The following ELAPOR2 variants were observed in gnomAD, a reference collection of about 807,000 sequenced individuals.
ELAPOR2 encodes endosome-lysosome associated apoptosis and autophagy regulator family member 2, also known as endosome/lysosome-associated apoptosis and autophagy regulator family member 2.
A neutral mutation model predicts 120.7 loss-of-function variants in ELAPOR2; 89 were observed. The observed-to-expected ratio is 0.74, with a 90% CI of 0.62 to 0.88. The LOEUF (loss-of-function observed/expected upper bound fraction) is 0.88, where lower values mean the gene tolerates loss of function less well. Ranked by LOEUF, ELAPOR2 falls within the 40% of genes least tolerant of loss-of-function variation. ELAPOR2 has a pLI of 0.00. For missense variants in ELAPOR2, 1,134 were observed against 1,251.6 expected, an observed-to-expected ratio of 0.91 and a Z score of 1.42; for synonymous variants, 444 against 444.9, an observed-to-expected ratio of 1.00 and a Z score of 0.03.
chr7:86,944,594 T>G (rs1172586827), intron 4 of ELAPOR2, among the ~76,000 whole-genome samples: 2 of 152,094 alleles, frequency 1.3e-5, no homozygotes, highest in African/African-American at 2.4e-5. Context: ...ACATGAATCT[T>G]GGAGGAAATA....
intron 1 of ELAPOR2, among the ~76,000 whole-genome samples, chr7:87,012,036 CT>C (rs1293942649): frequency 1.8e-4 from 28 of 152,268 alleles, no homozygotes; most frequent in African/African-American, 5.3e-4. Context: ...AAACTACATT[CT>C]TTTATTGTAC....
chr7:87,059,620 C>G lies in ELAPOR2; in HGVS notation c.-107G>C. ...CTGCTGTGCGCTCGTCTCGCCGCTCCGTCACCCGCTGCCCGTCCGCCCGCT... is the reference window on the plus strand; with the variant it reads ...CTGCTGTGCGCTCGTCTCGCCGCTCGGTCACCCGCTGCCCGTCCGCCCGCT... On this transcript the variant is annotated 5_prime_UTR_variant, in exon 1 of 22. Coordinates refer to ENST00000450689, the MANE Select transcript of ELAPOR2 (RefSeq NM_001142749.3). 2 of 1,083,490 alleles carry G rather than the reference C, an allele frequency of 1.8e-6. No individual in the cohort carries two copies. Among genetic ancestry groups the G allele is most frequent in the Non-Finnish European group, 2.2e-6 (2 of 889,672 alleles). The allele number at this position is 1,083,490 out of a possible 1,614,324, so 67.1% of individuals were successfully genotyped here. A position where few individuals can be genotyped will look rare whatever the true frequency, so the allele number is the denominator to read the frequency against.
At chr7:86,942,244 A>G in intron 4 of ELAPOR2, 140 bp from the exon 5 acceptor site, 1 of 529,904 alleles carries the variant, frequency 1.9e-6, no homozygotes. Flanking sequence ...AAGTAAACAT[A>G]CCGAGACCTC....
At chr7:86,975,371 T>A (rs1792248993) in intron 1 of ELAPOR2, among the ~76,000 whole-genome samples, 1 of 152,158 alleles carries the variant, frequency 6.6e-6, no homozygotes, top group Non-Finnish European at 1.5e-5. Flanking sequence ...TAAAAATAAG[T>A]GAGTTATTTA....
At chr7:86,920,142 G>T (rs1789760362) in intron 10 of ELAPOR2, among the ~76,000 whole-genome samples, 1 of 152,198 alleles carries the variant, frequency 6.6e-6, no homozygotes, top group South Asian at 2.1e-4. Context: ...GACTGACTTG[G>T]CGATTTTTGA....
intron 1 of ELAPOR2, among the ~76,000 whole-genome samples, chr7:87,027,899 A>C (rs1794297107): frequency 6.6e-6 from 1 of 152,186 alleles, no homozygotes; most frequent in Non-Finnish European, 1.5e-5. Context: ...AGGGGGGAAA[A>C]GTCATGTGCT....
chr7:86,936,169 C>T (rs571647054), intron 8 of ELAPOR2, among the ~76,000 whole-genome samples: 1 of 152,064 alleles, frequency 6.6e-6, no homozygotes, highest in African/African-American at 2.4e-5. Flanking sequence ...AAACCACTGG[C>T]AAATCACCAG....
At chr7:86,986,137 G>A (rs1361849245) in intron 1 of ELAPOR2, among the ~76,000 whole-genome samples, 1 of 140,608 alleles carries the variant, frequency 7.1e-6, no homozygotes, top group East Asian at 2.0e-4. Context: ...GTTTGCAGAT[G>A]GCATGATTGT....
At chr7:86,947,640 G>T in intron 3 of ELAPOR2, 87 bp downstream of exon 3, 1 of 1,193,330 alleles carries the variant, frequency 8.4e-7, no homozygotes, top group Non-Finnish European at 1.2e-6. Flanking sequence ...ACAGTACCAA[G>T]ATTATCCTCA....
intron 13 of ELAPOR2, 67 bp from the exon 14 acceptor site, chr7:86,913,271 T>A (rs1584342336): frequency 1.4e-6 from 2 of 1,460,910 alleles, no homozygotes. Context: ...GATTATGTCT[T>A]CTGTTGACAT....
At chr7:86,954,171 T>C (rs2116424646) in intron 2 of ELAPOR2, among the ~76,000 whole-genome samples, 1 of 152,274 alleles carries the variant, frequency 6.6e-6, no homozygotes, top group African/African-American at 2.4e-5. Context: ...AATAATCCAA[T>C]GTGAGACTCT....
At chr7:86,948,051 C>T in intron 2 of ELAPOR2, 129 bp from the exon 3 acceptor site, 1 of 652,198 alleles carries the variant, frequency 1.5e-6, no homozygotes, top group East Asian at 2.8e-5. Context: ...TTTCAAATTC[C>T]TCTTATCACT....
rs1442803983 is a variant in ELAPOR2, at chr7:86,966,242, T to C, written c.190-1218A>G. On this transcript the variant is annotated intron_variant, in intron 1 of 21. Transcript: ENST00000450689. Reference sequence around the variant, plus strand: ...CATAGGACCACAATTCTGCTAAGCTTTCTACCACTATATTAAAGGGGTCAC... The same window carrying C: ...CATAGGACCACAATTCTGCTAAGCTCTCTACCACTATATTAAAGGGGTCAC... Among the ~76,000 whole-genome samples the C allele has an allele frequency of 2.0e-5, 3 of 152,154 alleles. No individual in the cohort carries two copies. The East Asian group carries it at 5.8e-4, about 29-fold the overall frequency.
At chr7:87,010,175 G>A (rs1481450129) in intron 1 of ELAPOR2, among the ~76,000 whole-genome samples, 1 of 152,078 alleles carries the variant, frequency 6.6e-6, no homozygotes, top group African/African-American at 2.4e-5. Context: ...CAAATACATT[G>A]TATTCCAATG....
intron 4 of ELAPOR2, 107 bp downstream of exon 4, chr7:86,944,792 A>C: frequency 2.3e-6 from 2 of 875,100 alleles, no homozygotes; most frequent in Non-Finnish European, 3.4e-6. Flanking sequence ...ACACACACAC[A>C]CAAAAAAAAA....
rs1009068913 is a variant in ELAPOR2, at chr7:86,989,004, C to A, written c.190-23980G>T. Among the ~76,000 whole-genome samples, 35 of 151,978 alleles carry A rather than the reference C, an allele frequency of 2.3e-4. 1 individual carries two copies. The highest frequency in any genetic ancestry group is 2.9e-5 in the Non-Finnish European group (2 of 67,968). On this transcript the variant is annotated intron_variant, in intron 1 of 21. Transcript: ENST00000450689. The stretch of plus-strand genomic sequence containing the variant: ...CCAAGCAGTTCAGATAGAAACTGAC[C>A]CAACCTAACTTAGAGTATTATAAAA...
rs377261324 is a variant in ELAPOR2, at chr7:87,051,218, G to C, written c.189+8107C>G. Among the ~76,000 whole-genome samples the C allele has an allele frequency of 6.3e-4, 96 of 152,300 alleles. 1 individual carries two copies. Among genetic ancestry groups the C allele is most frequent in the African/African-American group, 2.2e-3 (91 of 41,564 alleles). On this transcript the variant is annotated intron_variant, in intron 1 of 21. Coordinates refer to ENST00000450689, the MANE Select transcript of ELAPOR2 (RefSeq NM_001142749.3). ...GGAACATGGCAATGTCAAGATGTCA[G>C]GAGAAACTGGCAAAAACTGAGAGAG...
At position 86,878,118 on chromosome 7, in the gene ELAPOR2, A is replaced by AG. The variant is rs34395425; in HGVS notation, c.*2352dup. 3 of 152,162 alleles carry AG rather than the reference A, an allele frequency of 2.0e-5. No individual in the cohort carries two copies. Among genetic ancestry groups the AG allele is most frequent in the African/African-American group, 4.8e-5 (2 of 41,456 alleles). 9.4% of individuals were successfully genotyped at this position (152,162 alleles called of 1,614,324 possible). A position where few individuals can be genotyped will look rare whatever the true frequency, so the allele number is the denominator to read the frequency against. ...TAACAAATAACTTCTTCTACCACTT[A>AG]GGGGGGAAAAGGAACAAGTGTCAAT... On this transcript the variant is annotated 3_prime_UTR_variant, in exon 22 of 22. Transcript: ENST00000450689.
chr7:86,894,075 G>A (rs1788325527), intron 19 of ELAPOR2, among the ~76,000 whole-genome samples: 1 of 151,964 alleles, frequency 6.6e-6, no homozygotes, highest in South Asian at 2.1e-4. Context: ...TAATTTTTAT[G>A]ATTTAAATAC....
Sources: gnomAD v4.1 joint callset for allele counts (sites outside exome capture counted in the v4.1 genomes callset) on GRCh38, gnomAD v4.1.1 for gene constraint, MANE v1.5 for transcripts, NCBI Gene and HGNC (gene_info 2026-07-23, HGNC 2026-07-21) for gene names.